Variants in SP3 observed in about 807,000 individuals in gnomAD.
SP3 encodes the protein transcription factor Sp3.
Under a neutral mutation model 70.3 loss-of-function variants are expected in SP3, and 10 were observed. The ratio of observed to expected loss-of-function variants is 0.14; its 90% CI spans 0.09 to 0.24. The LOEUF is 0.24. Ranked by LOEUF, SP3 falls within the 10% of genes least tolerant of loss-of-function variation. SP3 has a pLI of 1.00. For missense variants in SP3, 825 were observed against 914.6 expected (o/e 0.90, Z 1.26); for synonymous variants, 402 against 333.5 (o/e 1.21, Z -2.24).
intron 4 of SP3, among the ~76,000 whole-genome samples, chr2:173,947,776 T>C (rs531498059): frequency 1.3e-5 from 2 of 152,358 alleles, no homozygotes; most frequent in South Asian, 4.1e-4. Flanking sequence ...CAGGATCATC[T>C]TGAATACAAT....
intron 6 of SP3, 80 bp downstream of exon 6, chr2:173,912,990 G>A (rs1008353913): frequency 5.8e-6 from 6 of 1,041,294 alleles, no homozygotes; most frequent in Non-Finnish European, 8.0e-6. Context: ...GTTCAGTAAG[G>A]AATGCTAATA....
rs186027533 is a variant in SP3 at position 173,926,903 on chromosome 2, A to C, written c.1640-8118T>G. ...TCCCACTGCTATGAAGAGATACCTG[A>C]GACTAAGTAATTTATTTTTTTAAAA... is the stretch of plus-strand genomic sequence containing the variant. On this transcript the variant is annotated intron_variant, in intron 4 of 6. Coordinates refer to ENST00000310015, the MANE Select transcript of SP3 (RefSeq NM_003111.5). Among the ~76,000 whole-genome samples the C allele has an allele frequency of 2.6e-5, 4 of 152,256 alleles. No homozygotes were observed. The East Asian group carries it at 7.7e-4, about 29-fold the overall frequency.
chr2:173,932,113 T>TG (rs1690083093), intron 4 of SP3, among the ~76,000 whole-genome samples: 1 of 152,370 alleles, frequency 6.6e-6, no homozygotes, highest in African/African-American at 2.4e-5. Flanking sequence ...TCTAAGCTTT[T>TG]GACTTAAAGT....
At chr2:173,954,025 T>C (rs570909731) in intron 4 of SP3, among the ~76,000 whole-genome samples, 8 of 152,300 alleles carry the variant, frequency 5.3e-5, no homozygotes, top group African/African-American at 1.9e-4. Context: ...TGTCCCAATT[T>C]AAGAGTTTAG....
chr2:173,937,084 A>G (rs1690230081), intron 4 of SP3, among the ~76,000 whole-genome samples: 1 of 152,198 alleles, frequency 6.6e-6, no homozygotes, highest in Admixed American at 6.5e-5. Context: ...GAGAAAATGA[A>G]CACATACATA....
chr2:173,916,035 G>A (rs1689611886), intron 5 of SP3: 1 of 151,980 alleles, frequency 6.6e-6, no homozygotes, highest in Non-Finnish European at 1.5e-5. Context: ...TCAACTTGCA[G>A]AATACTTTAG....
At chr2:173,961,942 T>TG (rs1481799731) in intron 3 of SP3, among the ~76,000 whole-genome samples, 1 of 27,396 alleles carries the variant, frequency 3.7e-5, no homozygotes, top group Non-Finnish European at 6.7e-5. Flanking sequence ...TGGGTTTTTT[T>TG]TTTTTTTTTT....
Position 173,904,772 on chromosome 2 carries a change from G to C in SP3, c.*5169C>G, listed in dbSNP as rs997008049. The stretch of plus-strand genomic sequence containing the variant: ...TCAGAGAAGGGATGTAAGTCGGACA[G>C]ATATCCTAAAAGGTCACTAAGCCAA... On this transcript the variant is annotated 3_prime_UTR_variant, in exon 7 of 7. Transcript: ENST00000310015. 6.6e-6 allele frequency among the ~76,000 whole-genome samples: 1 copy of C among 152,228 alleles called. No homozygotes were observed. The highest frequency in any genetic ancestry group is 6.5e-5 in the Admixed American group (1 of 15,284).
intron 4 of SP3, among the ~76,000 whole-genome samples, chr2:173,929,255 A>G (rs959858899): frequency 1.2e-4 from 19 of 152,234 alleles, no homozygotes; most frequent in Non-Finnish European, 2.4e-4. Flanking sequence ...GGGCAATTCA[A>G]TGATTATTTT....
chr2:173,963,682 G>A (rs1054767526), intron 3 of SP3, 79 bp downstream of exon 3: 32 of 444,834 alleles, frequency 7.2e-5, no homozygotes, highest in African/African-American at 6.4e-4. Flanking sequence ...CGCCGGGGAG[G>A]CCTTTTGGGC....
rs1179786284 is a variant in SP3, at chr2:173,906,729, C to G, written c.*3212G>C. The G allele has an allele frequency of 6.6e-6, 1 of 152,084 alleles. No homozygotes were observed. The highest frequency in any genetic ancestry group is 2.4e-5 in the African/African-American group (1 of 41,418). The allele number at this position is 152,084 out of a possible 1,614,324, so 9.4% of individuals were successfully genotyped here. Reference sequence around the variant, plus strand: ...TGGAATTTAAACTACAATTAAGAGCCTAAGGGGATGCTTGCTCTATTTTAA... The same window carrying G: ...TGGAATTTAAACTACAATTAAGAGCGTAAGGGGATGCTTGCTCTATTTTAA... On this transcript the variant is annotated 3_prime_UTR_variant, in exon 7 of 7. Transcript: ENST00000310015.
At chr2:173,928,545 C>A (rs1055758956) in intron 4 of SP3, among the ~76,000 whole-genome samples, 6 of 151,338 alleles carry the variant, frequency 4.0e-5, no homozygotes, top group African/African-American at 1.2e-4. Context: ...TAAAATGATT[C>A]CGTTCCAACA....
intron 5 of SP3, chr2:173,913,567 ATTC>A (rs144123657): frequency 0.044 from 8,017 of 182,752 alleles, 234 homozygotes; most frequent in South Asian, 0.087. Flanking sequence ...AAAGCTATTT[ATTC>A]TTCTATCAGA....
chr2:173,940,601 C>T (rs1690343100), intron 4 of SP3, among the ~76,000 whole-genome samples: 2 of 152,194 alleles, frequency 1.3e-5, no homozygotes, highest in Non-Finnish European at 2.9e-5. Flanking sequence ...GGACTTGGAA[C>T]TTTCCACCAG....
intron 5 of SP3, chr2:173,914,646 A>G (rs994078070): frequency 1.3e-5 from 2 of 152,226 alleles, no homozygotes; most frequent in Non-Finnish European, 2.9e-5. Context: ...GAGGAATAGC[A>G]TAAGTAAAGA....
rs1272021173 is a variant in SP3 at position 173,908,296 on chromosome 2, G to A, written c.*1645C>T. ...TGATATGAATCAATGTGGGCTAAGG[G>A]CTAAGACTTTTTTTCAAAAATTTTA... On this transcript the variant is annotated 3_prime_UTR_variant, in exon 7 of 7. Coordinates refer to ENST00000310015, the MANE Select transcript of SP3 (RefSeq NM_003111.5). The A allele has an allele frequency of 6.6e-6, 1 of 152,046 alleles. No homozygotes were observed. Among genetic ancestry groups the A allele is most frequent in the Non-Finnish European group, 1.5e-5 (1 of 67,918 alleles). The allele number at this position is 152,046 out of a possible 1,614,324, so 9.4% of individuals were successfully genotyped here.
chr2:173,909,468 ATG>A lies in SP3; in HGVS notation c.*471_*472del. On this transcript the variant is annotated 3_prime_UTR_variant, in exon 7 of 7. Coordinates refer to ENST00000310015, the MANE Select transcript of SP3 (RefSeq NM_003111.5). Reference sequence around the variant, plus strand: ...TGATAAGCTAAGTAAAGCCTACACTATGTAACATTTGCTTGGAAACTTGATTT... The same window carrying A: ...TGATAAGCTAAGTAAAGCCTACACTATAACATTTGCTTGGAAACTTGATTT... 1 of 157,410 alleles carries A rather than the reference ATG, an allele frequency of 6.4e-6. No homozygotes were observed. Among genetic ancestry groups the A allele is most frequent in the South Asian group, 1.8e-4 (1 of 5,412 alleles). The allele number at this position is 157,410 out of a possible 1,614,324, so 9.8% of individuals were successfully genotyped here.
intron 2 of SP3, chr2:173,964,122 G>T: frequency 2.8e-6 from 1 of 357,264 alleles, no homozygotes; most frequent in Non-Finnish European, 5.0e-6. Flanking sequence ...GCGGCGGGCT[G>T]CGCGCCGGGC....
chr2:173,952,356 G>A (rs1321769812), intron 4 of SP3, among the ~76,000 whole-genome samples: 1 of 152,036 alleles, frequency 6.6e-6, no homozygotes, highest in Non-Finnish European at 1.5e-5. Flanking sequence ...TATGCAGTAG[G>A]AACTACAAAC....
Sources: gnomAD v4.1 joint callset for allele counts (sites outside exome capture counted in the v4.1 genomes callset) on GRCh38, gnomAD v4.1.1 for gene constraint, MANE v1.5 for transcripts, NCBI Gene and HGNC (gene_info 2026-07-23, HGNC 2026-07-21) for gene names.